MSMP: variants seen among roughly 807,000 people sequenced by gnomAD.
The protein encoded by MSMP is microseminoprotein, prostate associated, also known as prostate-associated microseminoprotein.
In MSMP, 9 loss-of-function variants were observed where a neutral mutation model predicts 15.8. The observed-to-expected ratio is 0.57, with a 90% CI of 0.34 to 0.99. The LOEUF is 0.99. MSMP is among the 50% of genes least tolerant of loss of function. The probability of loss-of-function intolerance (pLI) is 0.02; values close to 1 mark genes in which losing one functional copy is unlikely to be tolerated. For missense variants in MSMP, 170 were observed against 173.4 expected (o/e 0.98, Z 0.11); for synonymous variants, 64 against 64.4 (o/e 0.99, Z 0.03).
Position 35,753,552 on chromosome 9 carries a change from G to T in MSMP, c.239+108C>A, listed in dbSNP as rs1338641985. The stretch of plus-strand genomic sequence containing the variant: ...GGTCCCTTCAGGTTTGGCCCATCTT[G>T]TATTGCTCTTCTGTTCATTCTTACA... On this transcript the variant is annotated intron_variant, in intron 2 of 2. Transcript: ENST00000436428. The surrounding 1 kb of genome is among the most constrained non-coding windows in gnomAD (Gnocchi z 4.2). 1 of 984,196 alleles carries T rather than the reference G, an allele frequency of 1.0e-6. No homozygotes were observed. Among genetic ancestry groups the T allele is most frequent in the Non-Finnish European group, 1.5e-6 (1 of 646,960 alleles). The allele number at this position is 984,196 out of a possible 1,614,324, so 61.0% of individuals were successfully genotyped here.
Position 35,753,826 on chromosome 9 carries a change from C to T in MSMP, c.131-58G>A, listed in dbSNP as rs1310863493. On this transcript the variant is annotated intron_variant, in intron 1 of 2. Coordinates refer to ENST00000436428, the MANE Select transcript of MSMP (RefSeq NM_001044264.3). The surrounding 1 kb of genome is among the most constrained non-coding windows in gnomAD (Gnocchi z 4.2). Reference sequence around the variant, plus strand: ...GGAGTGCTGATGAGAGGCAGAGGCTCTTCTGGTCTGGGGTGGAGACAGTAA... The same window carrying T: ...GGAGTGCTGATGAGAGGCAGAGGCTTTTCTGGTCTGGGGTGGAGACAGTAA... 7.7e-6 allele frequency: 12 copies of T among 1,554,572 alleles called. No individual in the cohort carries two copies. The highest frequency in any genetic ancestry group is 1.7e-5 in the Admixed American group (1 of 59,440).
At position 35,753,403 on chromosome 9, in the gene MSMP, C is replaced by T. The variant is rs543009682; in HGVS notation, c.240-123G>A. 78 of 1,081,626 alleles carry T rather than the reference C, an allele frequency of 7.2e-5. No homozygotes were observed. The South Asian group carries it at 8.2e-4, about 11-fold the overall frequency. The allele number at this position is 1,081,626 out of a possible 1,614,324, so 67.0% of individuals were successfully genotyped here. A position where few individuals can be genotyped will look rare whatever the true frequency, so the allele number is the denominator to read the frequency against. On this transcript the variant is annotated intron_variant, in intron 2 of 2. Transcript: ENST00000436428. This position sits in a 1 kb window ranked among gnomAD's most constrained non-coding sequence, Gnocchi z 4.2. ...CCCCTTTCAGTGGCCCCTTGGTCCT[C>T]CTAACTAAGCTGTCACCTACCATAT...
In MSMP at chr9:35,754,126, C is replaced by G. The variant is rs1279074948; in HGVS notation, c.4G>C (p.Ala2Pro). The change falls in exon 1 of 3, where the codon GCC becomes CCC. Residue 2 changes from alanine to proline, a missense_variant. Transcript: ENST00000436428. Reference sequence around the variant, plus strand: ...TGTCCAGCCCAGAGCATCCTTAGGGCCATTGCTGCTGCACAGCCCTCTCAG... The same window carrying G: ...TGTCCAGCCCAGAGCATCCTTAGGGGCATTGCTGCTGCACAGCCCTCTCAG... MALRMLWAGQAK... is the reference protein window; with the variant it reads MPLRMLWAGQAK... 1 of 1,612,240 alleles carries G rather than the reference C, an allele frequency of 6.2e-7. No individual in the cohort carries two copies.
Position 35,753,625 on chromosome 9 carries a change from A to C in MSMP, c.239+35T>G. 1 of 1,519,626 alleles carries C rather than the reference A, an allele frequency of 6.6e-7. No individual in the cohort carries two copies. The highest frequency in any genetic ancestry group is 9.1e-7 in the Non-Finnish European group (1 of 1,096,754). The allele number at this position is 1,519,626 out of a possible 1,614,324, so 94.1% of individuals were successfully genotyped here. On this transcript the variant is annotated intron_variant, in intron 2 of 2. Coordinates refer to ENST00000436428, the MANE Select transcript of MSMP (RefSeq NM_001044264.3). The surrounding 1 kb of genome is among the most constrained non-coding windows in gnomAD (Gnocchi z 4.2). ...TGGTCATCCCTCAGTCACTCATATCAGAGTCATTCTCTCTGGCCATCTTTG... is the reference window on the plus strand; with the variant it reads ...TGGTCATCCCTCAGTCACTCATATCCGAGTCATTCTCTCTGGCCATCTTTG...
At position 35,753,298 on chromosome 9, in the gene MSMP, G is replaced by A. The variant is rs1303436219; in HGVS notation, c.240-18C>T. On this transcript the variant is annotated intron_variant, in intron 2 of 2. Transcript: ENST00000436428. This position sits in a 1 kb window ranked among gnomAD's most constrained non-coding sequence, Gnocchi z 4.2. ...GCTGGGACCTGGGGAACCAAGGATA[G>A]GGGAAGGAGTCAGCACAGTGAAAGG... The A allele has an allele frequency of 1.2e-6, 2 of 1,610,988 alleles. No homozygotes were observed. The highest frequency in any genetic ancestry group is 1.7e-6 in the Non-Finnish European group (2 of 1,179,454).
chr9:35,754,156 T>C lies in MSMP; in HGVS notation c.-27A>G. 6.3e-7 allele frequency: 1 copy of C among 1,598,678 alleles called. No individual in the cohort carries two copies. Among genetic ancestry groups the C allele is most frequent in the Non-Finnish European group, 8.5e-7 (1 of 1,170,536 alleles). ...GCTGCTGCACAGCCCTCTCAGACCC[T>C]TCTTGGCCTCTGCTCAGCTACTCTG... On this transcript the variant is annotated 5_prime_UTR_variant, in exon 1 of 3. Transcript: ENST00000436428.
At position 35,753,783 on chromosome 9, in the gene MSMP, G is replaced by A; in HGVS notation, c.131-15C>T. ...GTGACAGGGGGCTAGGGAAGAACGGGAAATGTTAGTAGGTGTAGGAGTGCT... is the reference window on the plus strand; with the variant it reads ...GTGACAGGGGGCTAGGGAAGAACGGAAAATGTTAGTAGGTGTAGGAGTGCT... On this transcript the variant is annotated splice_polypyrimidine_tract_variant and intron_variant, in intron 1 of 2. Transcript: ENST00000436428. This position sits in a 1 kb window ranked among gnomAD's most constrained non-coding sequence, Gnocchi z 4.2. The A allele has an allele frequency of 2.5e-6, 4 of 1,609,370 alleles. No individual in the cohort carries two copies. Among genetic ancestry groups the A allele is most frequent in the Non-Finnish European group, 3.4e-6 (4 of 1,175,782 alleles).
Position 35,753,766 on chromosome 9 carries a change from G to A in MSMP, c.133C>T (p.Pro45Ser). ...YSKCYFQAQA[P>S]CHYEGKYFTL... ...AAATATTTCCCCTCATAGTGACAGG[G>A]GGCTAGGGAAGAACGGGAAATGTTA... The change falls in exon 2 of 3, where the codon CCC becomes TCC. Residue 45 changes from proline to serine, a missense_variant and splice_region_variant. Transcript: ENST00000436428. The surrounding 1 kb of genome is among the most constrained non-coding windows in gnomAD (Gnocchi z 4.2). 6.2e-7 allele frequency: 1 copy of A among 1,613,728 alleles called. No individual in the cohort carries two copies. The highest frequency in any genetic ancestry group is 2.2e-5 in the East Asian group (1 of 44,890).
Position 35,753,921 on chromosome 9 carries a change from A to G in MSMP, c.130+79T>C. On this transcript the variant is annotated intron_variant, in intron 1 of 2. Coordinates refer to ENST00000436428, the MANE Select transcript of MSMP (RefSeq NM_001044264.3). The surrounding 1 kb of genome is among the most constrained non-coding windows in gnomAD (Gnocchi z 4.2). ...CTGGAGGAAGCCTGGGTATTTTGAC[A>G]CGGGATCATCTGTAAGGCCCCATCC... 1 of 1,562,042 alleles carries G rather than the reference A, an allele frequency of 6.4e-7. No homozygotes were observed. The highest frequency in any genetic ancestry group is 1.2e-5 in the South Asian group (1 of 82,978).
Position 35,753,451 on chromosome 9 carries a change from A to C in MSMP, c.240-171T>G. 1 of 814,040 alleles carries C rather than the reference A, an allele frequency of 1.2e-6. No individual in the cohort carries two copies. The highest frequency in any genetic ancestry group is 1.9e-6 in the Non-Finnish European group (1 of 524,488). The allele number at this position is 814,040 out of a possible 1,614,324, so 50.4% of individuals were successfully genotyped here. ...TATGTGGGCCTTTTTGTTTTATAAC[A>C]GGAGTATTTTCTCTCCAGGTCCACC... On this transcript the variant is annotated intron_variant, in intron 2 of 2. Transcript: ENST00000436428. The surrounding 1 kb of genome is among the most constrained non-coding windows in gnomAD (Gnocchi z 4.2).
chr9:35,753,056 T>C lies in MSMP; in HGVS notation c.*44A>G, dbSNP rs1478112378. On this transcript the variant is annotated 3_prime_UTR_variant, in exon 3 of 3. Transcript: ENST00000436428. The surrounding 1 kb of genome is among the most constrained non-coding windows in gnomAD (Gnocchi z 4.2). ...CAGCTGCTAGTGGTTTCCCTGGAAG[T>C]GGCAGCAGCAGTGAGCAGTCAGCAG... 6.3e-7 allele frequency: 1 copy of C among 1,599,484 alleles called. No homozygotes were observed. The highest frequency in any genetic ancestry group is 2.2e-5 in the East Asian group (1 of 44,676).
rs1227888334 is a variant in MSMP, at chr9:35,753,830, T to C, written c.131-62A>G. On this transcript the variant is annotated intron_variant, in intron 1 of 2. Transcript: ENST00000436428. The surrounding 1 kb of genome is among the most constrained non-coding windows in gnomAD (Gnocchi z 4.2). ...TGCTGATGAGAGGCAGAGGCTCTTC[T>C]GGTCTGGGGTGGAGACAGTAAGTAC... is the stretch of plus-strand genomic sequence containing the variant. The C allele has an allele frequency of 3.2e-6, 5 of 1,542,152 alleles. No homozygotes were observed. Among genetic ancestry groups the C allele is most frequent in the Non-Finnish European group, 4.5e-6 (5 of 1,118,658 alleles).
Position 35,753,346 on chromosome 9 carries a change from G to A in MSMP, c.240-66C>T, listed in dbSNP as rs1827303949. 3 of 1,534,994 alleles carry A rather than the reference G, an allele frequency of 2.0e-6. No homozygotes were observed. The highest frequency in any genetic ancestry group is 1.8e-5 in the Admixed American group (1 of 56,250). On this transcript the variant is annotated intron_variant, in intron 2 of 2. Transcript: ENST00000436428. The surrounding 1 kb of genome is among the most constrained non-coding windows in gnomAD (Gnocchi z 4.2). ...AGGCTGCCTTTATCCCTGCCCACATGTTCCCTCTCTCACAGTTTTCCCCCC... is the reference window on the plus strand; with the variant it reads ...AGGCTGCCTTTATCCCTGCCCACATATTCCCTCTCTCACAGTTTTCCCCCC...
At position 35,753,756 on chromosome 9, in the gene MSMP, T is replaced by C. The variant is rs1167405536; in HGVS notation, c.143A>G (p.Tyr48Cys). The change falls in exon 2 of 3, where the codon TAT becomes TGT. Residue 48 changes from tyrosine to cysteine, a missense_variant. By Grantham distance (194) the Tyr-to-Cys change is radical. Transcript: ENST00000436428. This position sits in a 1 kb window ranked among gnomAD's most constrained non-coding sequence, Gnocchi z 4.2. ...ACCCAGGGTAAAATATTTCCCCTCA[T>C]AGTGACAGGGGGCTAGGGAAGAACG... ...CYFQAQAPCH[Y>C]EGKYFTLGES... 6 of 1,613,612 alleles carry C rather than the reference T, an allele frequency of 3.7e-6. No homozygotes were observed. The African/African-American group carries it at 8.0e-5, about 22-fold the overall frequency.
In MSMP at chr9:35,753,370, C is replaced by A; in HGVS notation, c.240-90G>T. On this transcript the variant is annotated intron_variant, in intron 2 of 2. Transcript: ENST00000436428. The surrounding 1 kb of genome is among the most constrained non-coding windows in gnomAD (Gnocchi z 4.2). ...TGTTCCCTCTCTCACAGTTTTCCCC[C>A]CACAGAGCCCCTTTCAGTGGCCCCT... is the stretch of plus-strand genomic sequence containing the variant. 1 of 1,422,678 alleles carries A rather than the reference C, an allele frequency of 7.0e-7. No homozygotes were observed. The highest frequency in any genetic ancestry group is 2.4e-5 in the East Asian group (1 of 42,400). The allele number at this position is 1,422,678 out of a possible 1,614,324, so 88.1% of individuals were successfully genotyped here. A position where few individuals can be genotyped will look rare whatever the true frequency, so the allele number is the denominator to read the frequency against.
At position 35,753,026 on chromosome 9, in the gene MSMP, A is replaced by T; in HGVS notation, c.*74T>A. The T allele has an allele frequency of 6.4e-7, 1 of 1,572,296 alleles. No individual in the cohort carries two copies. The highest frequency in any genetic ancestry group is 1.1e-5 in the South Asian group (1 of 87,996). On this transcript the variant is annotated 3_prime_UTR_variant, in exon 3 of 3. Transcript: ENST00000436428. The surrounding 1 kb of genome is among the most constrained non-coding windows in gnomAD (Gnocchi z 4.2). ...GCATTAATTTATTTGTTCAGAATAC[A>T]TTGGCAGCTGCTAGTGGTTTCCCTG...
In MSMP at chr9:35,753,554, A is replaced by G; in HGVS notation, c.239+106T>C. 2.0e-6 allele frequency: 2 copies of G among 1,002,282 alleles called. No individual in the cohort carries two copies. Among genetic ancestry groups the G allele is most frequent in the Non-Finnish European group, 3.0e-6 (2 of 662,862 alleles). 62.1% of individuals were successfully genotyped at this position (1,002,282 alleles called of 1,614,324 possible). A position where few individuals can be genotyped will look rare whatever the true frequency, so the allele number is the denominator to read the frequency against. ...TCCCTTCAGGTTTGGCCCATCTTGTATTGCTCTTCTGTTCATTCTTACATC... is the reference window on the plus strand; with the variant it reads ...TCCCTTCAGGTTTGGCCCATCTTGTGTTGCTCTTCTGTTCATTCTTACATC... On this transcript the variant is annotated intron_variant, in intron 2 of 2. Coordinates refer to ENST00000436428, the MANE Select transcript of MSMP (RefSeq NM_001044264.3). The surrounding 1 kb of genome is among the most constrained non-coding windows in gnomAD (Gnocchi z 4.2).
rs1827308277 is a variant in MSMP, at chr9:35,753,546, C to T, written c.239+114G>A. ...AGTGTTGGTCCCTTCAGGTTTGGCCCATCTTGTATTGCTCTTCTGTTCATT... is the reference window on the plus strand; with the variant it reads ...AGTGTTGGTCCCTTCAGGTTTGGCCTATCTTGTATTGCTCTTCTGTTCATT... On this transcript the variant is annotated intron_variant, in intron 2 of 2. Coordinates refer to ENST00000436428, the MANE Select transcript of MSMP (RefSeq NM_001044264.3). The surrounding 1 kb of genome is among the most constrained non-coding windows in gnomAD (Gnocchi z 4.2). 1 of 945,188 alleles carries T rather than the reference C, an allele frequency of 1.1e-6. No homozygotes were observed. Among genetic ancestry groups the T allele is most frequent in the African/African-American group, 1.6e-5 (1 of 61,070 alleles). The allele number at this position is 945,188 out of a possible 1,614,324, so 58.6% of individuals were successfully genotyped here. A position where few individuals can be genotyped will look rare whatever the true frequency, so the allele number is the denominator to read the frequency against.
chr9:35,753,015 GT>G lies in MSMP; in HGVS notation c.*84del. 6.4e-7 allele frequency: 1 copy of G among 1,559,234 alleles called. No individual in the cohort carries two copies. Among genetic ancestry groups the G allele is most frequent in the Non-Finnish European group, 8.8e-7 (1 of 1,141,614 alleles). On this transcript the variant is annotated 3_prime_UTR_variant, in exon 3 of 3. Coordinates refer to ENST00000436428, the MANE Select transcript of MSMP (RefSeq NM_001044264.3). The surrounding 1 kb of genome is among the most constrained non-coding windows in gnomAD (Gnocchi z 4.2). Reference sequence around the variant, plus strand: ...TTTCAGCTATAGCATTAATTTATTTGTTCAGAATACATTGGCAGCTGCTAGT... The same window carrying G: ...TTTCAGCTATAGCATTAATTTATTTGTCAGAATACATTGGCAGCTGCTAGT...
Sources: gnomAD v4.1 joint callset for allele counts on GRCh38, gnomAD v4.1.1 for gene constraint, Gnocchi (gnomAD v3.1) non-coding constraint, MANE v1.5 for transcripts, NCBI Gene and HGNC (gene_info 2026-07-23, HGNC 2026-07-21) for gene names.